MARK4: variants seen among roughly 807,000 people sequenced by gnomAD.
The protein encoded by MARK4 is MAP/microtubule affinity-regulating kinase 4.
Under a neutral mutation model 81.5 loss-of-function variants are expected in MARK4, and 19 were observed. The ratio of observed to expected loss-of-function variants is 0.23; its 90% confidence interval spans 0.16 to 0.34. MARK4 has a LOEUF of 0.34. Ranked by LOEUF, MARK4 falls within the 10% of genes least tolerant of loss-of-function variation. MARK4 has a pLI of 1.00. For synonymous variants in MARK4, 436 were observed against 439.0 expected (o/e 0.99, Z 0.08); for missense variants, 772 against 1,058.8 (o/e 0.73, Z 3.76).
At chr19:45,296,023 C>T (rs539496445) in intron 14 of MARK4, among the ~76,000 whole-genome samples, 1 of 152,056 alleles carries the variant, frequency 6.6e-6, no homozygotes, top group Non-Finnish European at 1.5e-5. Flanking sequence ...GAGGTAGATC[C>T]TAATATCTCC....
intron 14 of MARK4, 93 bp downstream of exon 14, chr19:45,294,545 G>A: frequency 1.9e-6 from 2 of 1,076,092 alleles, no homozygotes; most frequent in Non-Finnish European, 2.8e-6. Context: ...ATTGGAGGCT[G>A]GTGCCATGGG....
chr19:45,263,489 C>T, intron 4 of MARK4, 122 bp downstream of exon 4: 1 of 1,257,778 alleles, frequency 8.0e-7, no homozygotes, highest in Non-Finnish European at 1.1e-6. Flanking sequence ...CTCCTGTAAT[C>T]CCAGCACTTA....
chr19:45,258,876 G>A, intron 1 of MARK4, 113 bp from the exon 2 acceptor site: 1 of 1,164,356 alleles, frequency 8.6e-7, no homozygotes, highest in South Asian at 1.6e-5. Context: ...TGGGGCCTGA[G>A]TTTGAAAAGG....
At chr19:45,301,158 C>G (rs1970966155) in intron 16 of MARK4, among the ~76,000 whole-genome samples, 1 of 152,186 alleles carries the variant, frequency 6.6e-6, no homozygotes, top group Non-Finnish European at 1.5e-5. Context: ...TGGCTTATGC[C>G]TGTAATTCCA....
chr19:45,252,057 C>T (rs1970250448), intron 1 of MARK4, among the ~76,000 whole-genome samples: 1 of 152,076 alleles, frequency 6.6e-6, no homozygotes, highest in South Asian at 2.1e-4. Context: ...CTCAGCAGGG[C>T]CTGGCCCAGT....
At chr19:45,263,800 G>T (rs1046163639) in intron 4 of MARK4, among the ~76,000 whole-genome samples, 1 of 151,082 alleles carries the variant, frequency 6.6e-6, no homozygotes, top group African/African-American at 2.4e-5. Context: ...CATCACTGCT[G>T]TGTGACCTTG....
At chr19:45,294,771 G>C (rs1970865035) in intron 14 of MARK4, among the ~76,000 whole-genome samples, 1 of 152,156 alleles carries the variant, frequency 6.6e-6, no homozygotes, top group African/African-American at 2.4e-5. Flanking sequence ...AGCGTCATCT[G>C]GTTGGCTGGT....
At chr19:45,251,748 G>A in intron 1 of MARK4, 109 bp downstream of exon 1, 1 of 1,050,124 alleles carries the variant, frequency 9.5e-7, no homozygotes, top group Non-Finnish European at 1.4e-6. Flanking sequence ...TCCTGGGCCC[G>A]ACCCGGCTCG....
At chr19:45,268,415 C>T (rs1970482682) in intron 7 of MARK4, among the ~76,000 whole-genome samples, 1 of 152,010 alleles carries the variant, frequency 6.6e-6, no homozygotes, top group African/African-American at 2.4e-5. Flanking sequence ...GAAACTCCAT[C>T]TCTACTAAAA....
intron 12 of MARK4, among the ~76,000 whole-genome samples, chr19:45,286,559 A>G (rs1023679457): frequency 6.6e-6 from 1 of 151,740 alleles, no homozygotes; most frequent in Non-Finnish European, 1.5e-5. Flanking sequence ...AAAAAAATAC[A>G]AAAATTAGGT....
intron 1 of MARK4, among the ~76,000 whole-genome samples, chr19:45,258,489 CAG>C (rs888890674): frequency 1.3e-5 from 2 of 152,042 alleles, no homozygotes; most frequent in Non-Finnish European, 2.9e-5. Flanking sequence ...TCACCTGAGT[CAG>C]GGGTTTGAGA....
At chr19:45,272,099 A>T (rs1337473523) in intron 8 of MARK4, among the ~76,000 whole-genome samples, 1 of 152,126 alleles carries the variant, frequency 6.6e-6, no homozygotes, top group Non-Finnish European at 1.5e-5. Flanking sequence ...TGGGAGGCGG[A>T]GGCGGGAGGC....
chr19:45,278,773 T>A (rs1037047898), intron 10 of MARK4, among the ~76,000 whole-genome samples, 158 bp downstream of exon 10: 3 of 152,174 alleles, frequency 2.0e-5, no homozygotes, highest in African/African-American at 7.2e-5. Context: ...CCGGCTAATT[T>A]TTGTTATTTT....
intron 12 of MARK4, among the ~76,000 whole-genome samples, chr19:45,285,509 C>T (rs1021820484): frequency 1.3e-5 from 2 of 152,186 alleles, no homozygotes; most frequent in African/African-American, 4.8e-5. Context: ...GAGCCCCACA[C>T]GGGAAGTGGT....
chr19:45,251,674 T>A, intron 1 of MARK4, 35 bp downstream of exon 1: 1 of 1,505,806 alleles, frequency 6.6e-7, no homozygotes, highest in Non-Finnish European at 8.9e-7. Flanking sequence ...GAGCCCTGGC[T>A]GGGTCCAGCC....
rs11308460 is a variant in MARK4, at chr19:45,261,933, C to CA, written c.253-1167dup. Among the ~76,000 whole-genome samples, 53 of 140,392 alleles carry CA rather than the reference C, an allele frequency of 3.8e-4. 1 individual carries two copies. The highest frequency in any genetic ancestry group is 5.8e-4 in the Admixed American group (8 of 13,886). 92.1% of individuals were successfully genotyped at this position (140,392 alleles called of 152,430 possible). ...GAGCAACAAGAGGGAAACTCTGTCTCAAAAAAAAAAAAAGTTTCACTGCAA... is the reference window on the plus strand; with the variant it reads ...GAGCAACAAGAGGGAAACTCTGTCTCAAAAAAAAAAAAAAGTTTCACTGCAA... On this transcript the variant is annotated intron_variant, in intron 2 of 16. Coordinates refer to ENST00000262891, the MANE Select transcript of MARK4 (RefSeq NM_001199867.2).
At chr19:45,299,500 T>C (rs1970937505) in intron 15 of MARK4, among the ~76,000 whole-genome samples, 1 of 152,156 alleles carries the variant, frequency 6.6e-6, no homozygotes, top group Non-Finnish European at 1.5e-5. Context: ...AGTGTGTGTG[T>C]GTGCACACGT....
intron 7 of MARK4, among the ~76,000 whole-genome samples, chr19:45,266,796 G>T (rs138248379): frequency 2.7e-5 from 4 of 147,150 alleles, no homozygotes; most frequent in African/African-American, 1.0e-4. Flanking sequence ...GAAGTGGCGC[G>T]ATCTCCGCTC....
chr19:45,253,720 G>A (rs1419742333), intron 1 of MARK4, among the ~76,000 whole-genome samples: 2 of 152,146 alleles, frequency 1.3e-5, no homozygotes, highest in Admixed American at 6.5e-5. Flanking sequence ...GTTTGCAGGA[G>A]CCAGCGACGT....
Sources: allele counts gnomAD v4.1 joint callset (sites outside exome capture counted in the v4.1 genomes callset), GRCh38; gene constraint gnomAD v4.1.1; transcripts MANE v1.5; gene names NCBI Gene and HGNC (gene_info 2026-07-23, HGNC 2026-07-21).